The following ATE1 variants were observed in gnomAD, a reference collection of about 807,000 sequenced individuals.
ATE1 encodes arginyl-tRNA--protein transferase 1.
ATE1 carries 36 observed loss-of-function variants against 70.5 expected under a neutral mutation model. The observed-to-expected ratio is 0.51, with a 90% CI of 0.39 to 0.67. The LOEUF is 0.67. ATE1 is among the 30% of genes least tolerant of loss of function. The probability of loss-of-function intolerance (pLI) is 0.00; values close to 1 mark genes in which losing one functional copy is unlikely to be tolerated. For synonymous variants in ATE1, 232 were observed against 219.3 expected, an observed-to-expected ratio of 1.06 and a Z score of -0.51; for missense variants, 593 against 629.5, an observed-to-expected ratio of 0.94 and a Z score of 0.62.
At chr10:121,854,104 G>C (rs1360424792) in intron 8 of ATE1, among the ~76,000 whole-genome samples, 5 of 152,144 alleles carry the variant, frequency 3.3e-5, no homozygotes, top group Admixed American at 6.5e-5. Flanking sequence ...TGAAGCTCTA[G>C]GCTTGATTTT....
chr10:121,763,215 TGTA>T (rs1945128726), intron 11 of ATE1, among the ~76,000 whole-genome samples: 1 of 152,214 alleles, frequency 6.6e-6, no homozygotes, highest in Non-Finnish European at 1.5e-5. Flanking sequence ...TTATCAGTAA[TGTA>T]GTATGCAATA....
intron 11 of ATE1, among the ~76,000 whole-genome samples, chr10:121,757,139 CAA>C (rs1417251756): frequency 6.6e-6 from 1 of 152,182 alleles, no homozygotes; most frequent in Non-Finnish European, 1.5e-5. Flanking sequence ...CAAAGTTCCA[CAA>C]ATCTCTAGGG....
chr10:121,884,883 A>G (rs893900507), intron 7 of ATE1, among the ~76,000 whole-genome samples: 1 of 152,216 alleles, frequency 6.6e-6, no homozygotes, highest in African/African-American at 2.4e-5. Flanking sequence ...GGAGTTGCTT[A>G]AAGAAACTGG....
At chr10:121,841,783 TA>T (rs1225662870) in intron 8 of ATE1, among the ~76,000 whole-genome samples, 1 of 151,988 alleles carries the variant, frequency 6.6e-6, no homozygotes, top group Non-Finnish European at 1.5e-5. Context: ...CAAGAGTGGG[TA>T]AGGGATAAAA....
intron 10 of ATE1, among the ~76,000 whole-genome samples, chr10:121,814,140 A>G (rs1253868780): frequency 6.6e-6 from 1 of 152,230 alleles, no homozygotes; most frequent in African/African-American, 2.4e-5. Flanking sequence ...AATCATACAT[A>G]CACTATATAC....
At chr10:121,886,533 G>A (rs1170794362) in intron 7 of ATE1, among the ~76,000 whole-genome samples, 1 of 152,130 alleles carries the variant, frequency 6.6e-6, no homozygotes, top group East Asian at 1.9e-4. Flanking sequence ...TGCGCCCTAA[G>A]CTTCCAGAAT....
At chr10:121,877,487 A>C (rs1234916353) in intron 7 of ATE1, among the ~76,000 whole-genome samples, 4 of 152,144 alleles carry the variant, frequency 2.6e-5, no homozygotes, top group Non-Finnish European at 5.9e-5. Flanking sequence ...TCCAGGTTGG[A>C]AAAAGATATT....
intron 10 of ATE1, among the ~76,000 whole-genome samples, chr10:121,803,506 G>A (rs1346286584): frequency 1.3e-5 from 2 of 152,182 alleles, no homozygotes; most frequent in East Asian, 3.8e-4. Flanking sequence ...AATTGTGTCA[G>A]CAATGTCCTA....
At chr10:121,856,101 G>A (rs7096576) in intron 8 of ATE1, among the ~76,000 whole-genome samples, 135,855 of 149,822 alleles carry the variant, frequency 0.91, 61,741 homozygotes, top group Middle Eastern at 0.97. Context: ...AAAGAATCCA[G>A]GTATATATAA....
intron 10 of ATE1, among the ~76,000 whole-genome samples, chr10:121,793,511 C>T (rs1946535761): frequency 1.3e-5 from 2 of 152,186 alleles, no homozygotes; most frequent in East Asian, 1.9e-4. Context: ...TGATTTCCCT[C>T]ACATCCTTAC....
chr10:121,917,294 G>C (rs1354361481), intron 3 of ATE1, among the ~76,000 whole-genome samples: 1 of 152,134 alleles, frequency 6.6e-6, no homozygotes, highest in African/African-American at 2.4e-5. Context: ...CACTTGATGC[G>C]TTTAAATATA....
intron 10 of ATE1, among the ~76,000 whole-genome samples, chr10:121,831,723 A>G (rs1948244704): frequency 6.6e-6 from 1 of 152,256 alleles, no homozygotes; most frequent in African/African-American, 2.4e-5. Flanking sequence ...TGGCAGAAAG[A>G]AATTCCCACA....
chr10:121,755,117 T>TA (rs994721851), intron 11 of ATE1, among the ~76,000 whole-genome samples: 20 of 152,158 alleles, frequency 1.3e-4, no homozygotes. Context: ...ACCTTAGGTC[T>TA]AAAAAAACAG....
chr10:121,808,977 T>C (rs968134342), intron 10 of ATE1, among the ~76,000 whole-genome samples: 3 of 152,230 alleles, frequency 2.0e-5, no homozygotes, highest in Non-Finnish European at 2.9e-5. Context: ...ATCTGTAACA[T>C]AATACATCAG....
intron 8 of ATE1, among the ~76,000 whole-genome samples, chr10:121,858,329 CA>C (rs1440162297): frequency 6.6e-6 from 1 of 152,062 alleles, no homozygotes; most frequent in Non-Finnish European, 1.5e-5. Context: ...ACAACCATGC[CA>C]ACAGTTACCG....
intron 11 of ATE1, among the ~76,000 whole-genome samples, chr10:121,763,892 T>C (rs1945163097): frequency 6.6e-6 from 1 of 152,252 alleles, no homozygotes; most frequent in East Asian, 1.9e-4. Flanking sequence ...TGCACACCTG[T>C]AGTCCCAGCT....
chr10:121,880,551 G>C (rs1355115601), intron 7 of ATE1, among the ~76,000 whole-genome samples: 1 of 149,720 alleles, frequency 6.7e-6, no homozygotes, highest in Admixed American at 6.7e-5. Context: ...TCACATAAAA[G>C]CCCACAAATA....
chr10:121,909,730 G>A lies in ATE1; in HGVS notation c.583+1176C>T, dbSNP rs74375739. ...ACCCCCCAGAGAGAAATAGTTGAAA[G>A]AAACTGTCTGAATTATTCAAAATAT... On this transcript the variant is annotated intron_variant, in intron 5 of 11. Coordinates refer to ENST00000224652, the MANE Select transcript of ATE1 (RefSeq NM_001001976.3). 6.7e-4 allele frequency among the ~76,000 whole-genome samples: 102 copies of A among 152,238 alleles called. 1 individual carries two copies. In the East Asian group the frequency reaches 0.016, roughly 24 times the overall value.
intron 7 of ATE1, among the ~76,000 whole-genome samples, chr10:121,876,912 G>A (rs1316838830): frequency 6.6e-6 from 1 of 150,586 alleles, no homozygotes; most frequent in Non-Finnish European, 1.5e-5. Flanking sequence ...CTTGCAGTGA[G>A]CCGAGATAGC....
Sources: allele counts gnomAD v4.1 joint callset (sites outside exome capture counted in the v4.1 genomes callset), GRCh38; gene constraint gnomAD v4.1.1; transcripts MANE v1.5; gene names NCBI Gene and HGNC (gene_info 2026-07-23, HGNC 2026-07-21).